PWWP3A: variants seen among roughly 807,000 people sequenced by gnomAD.
PWWP3A encodes PWWP domain-containing DNA repair factor 3A.
In PWWP3A, 53 loss-of-function variants were observed where a neutral mutation model predicts 79.0. The observed-to-expected ratio is 0.67, with a 90% CI of 0.54 to 0.84. The LOEUF (loss-of-function observed/expected upper bound fraction) is 0.84. Ranked by LOEUF, PWWP3A falls within the 40% of genes least tolerant of loss-of-function variation. The pLI is 0.00. For missense variants in PWWP3A, 973 were observed against 948.0 expected (o/e 1.03, Z -0.35); for synonymous variants, 443 against 394.4 (o/e 1.12, Z -1.46).
rs139601913 is a variant in PWWP3A at position 1,360,278 on chromosome 19, G to C, written c.357G>C (p.Leu119=). ...SAGTGRADRS[L]RGKPMEHVSS... ...GGACAGGTAGAGCTGACCGGTCTCT[G>C]CGAGGGAAGCCCATGGAGCATGTCT... Residue 119 remains leucine, a synonymous_variant, in exon 5 of 14, where the codon CTG becomes CTC. Coordinates refer to ENST00000591337, the MANE Select transcript of PWWP3A (RefSeq NM_001369789.1). This position sits in a 1 kb window ranked among gnomAD's most constrained non-coding sequence, Gnocchi z 4.4. The C allele has an allele frequency of 1.6e-4, 257 of 1,614,058 alleles. No homozygotes were observed. Among genetic ancestry groups the C allele is most frequent in the Middle Eastern group, 3.3e-4 (2 of 6,062 alleles).
chr19:1,366,437 C>T lies in PWWP3A; in HGVS notation c.1361+56C>T, dbSNP rs2082130924. 25 of 1,523,434 alleles carry T rather than the reference C, an allele frequency of 1.6e-5. No individual in the cohort carries two copies. The South Asian group carries it at 2.6e-4, about 16-fold the overall frequency. 94.4% of individuals were successfully genotyped at this position (1,523,434 alleles called of 1,614,324 possible). On this transcript the variant is annotated intron_variant, in intron 8 of 13. Coordinates refer to ENST00000591337, the MANE Select transcript of PWWP3A (RefSeq NM_001369789.1). The stretch of plus-strand genomic sequence containing the variant: ...GGCCTGAGGGGCCAGGCCGGCCGCT[C>T]TCAGAGTCAGAGCGGGCGTGGGGAT...
Position 1,373,082 on chromosome 19 carries a change from G to A in PWWP3A, c.1997G>A (p.Cys666Tyr), listed in dbSNP as rs768909887. ...LDVLLPEAII[C>Y]AISAVDEVDY... ...CGTGCCCTCTCACAGGCCATCATCT[G>A]TGCGATCTCTGCGGTGGACGAGGTG... Residue 666 changes from cysteine (C) to tyrosine (Y), a missense_variant, in exon 13 of 14, where the codon TGT (cysteine) becomes TAT (tyrosine). Physicochemically the swap from Cys to Tyr is radical, Grantham distance 194. Coordinates refer to ENST00000591337, the MANE Select transcript of PWWP3A (RefSeq NM_001369789.1). 6.2e-7 allele frequency: 1 copy of A among 1,614,212 alleles called. No homozygotes were observed. Among genetic ancestry groups the A allele is most frequent in the South Asian group, 1.1e-5 (1 of 91,070 alleles).
chr19:1,366,196 A>G (rs2890119), intron 7 of PWWP3A, 109 bp from the exon 8 acceptor site: 1 of 188,254 alleles, frequency 5.3e-6, no homozygotes, highest in African/African-American at 8.3e-5. Context: ...GGTCACCCCC[A>G]GAGCTGGGGT....
intron 12 of PWWP3A, chr19:1,372,401 A>G (rs1354869545): frequency 2.0e-5 from 3 of 152,222 alleles, no homozygotes; most frequent in Non-Finnish European, 4.4e-5. Context: ...AAAGTAAAAA[A>G]TAGGGATGAT....
intron 7 of PWWP3A, 45 bp from the exon 8 acceptor site, chr19:1,366,260 G>T: frequency 1.9e-6 from 3 of 1,582,364 alleles, no homozygotes; most frequent in Non-Finnish European, 1.7e-6. Flanking sequence ...TAAAATCCAC[G>T]ATCTCTTTTG....
chr19:1,365,037 G>C (rs1357155309), intron 7 of PWWP3A, among the ~76,000 whole-genome samples: 1 of 152,172 alleles, frequency 6.6e-6, no homozygotes, highest in Non-Finnish European at 1.5e-5. Context: ...GGAGAATGGC[G>C]TGAACCCGAG....
At chr19:1,362,965 C>T (rs1033177992) in intron 6 of PWWP3A, among the ~76,000 whole-genome samples, 7 of 152,258 alleles carry the variant, frequency 4.6e-5, no homozygotes, top group Non-Finnish European at 8.8e-5. Flanking sequence ...TTGAGACTCG[C>T]CCGTGAACCA....
At chr19:1,374,032 T>C (rs529701883) in intron 13 of PWWP3A, 2 of 152,142 alleles carry the variant, frequency 1.3e-5, no homozygotes, top group Admixed American at 1.3e-4. Flanking sequence ...TCTTCATGGT[T>C]CCCCCGTCAT....
At position 1,376,693 on chromosome 19, in the gene PWWP3A, C is replaced by A; in HGVS notation, c.*117C>A. Reference sequence around the variant, plus strand: ...ACGTTTGCGTTTGGACCTGTCTGTGCGTTCTCCTGCGTGGCAGTCCTGATT... The same window carrying A: ...ACGTTTGCGTTTGGACCTGTCTGTGAGTTCTCCTGCGTGGCAGTCCTGATT... On this transcript the variant is annotated 3_prime_UTR_variant, in exon 14 of 14. Coordinates refer to ENST00000591337, the MANE Select transcript of PWWP3A (RefSeq NM_001369789.1). 2 of 828,812 alleles carry A rather than the reference C, an allele frequency of 2.4e-6. No homozygotes were observed. The highest frequency in any genetic ancestry group is 2.5e-5 in the Admixed American group (1 of 40,212). The allele number at this position is 828,812 out of a possible 1,614,324, so 51.3% of individuals were successfully genotyped here. A position where few individuals can be genotyped will look rare whatever the true frequency, so the allele number is the denominator to read the frequency against.
At position 1,376,303 on chromosome 19, in the gene PWWP3A, TTTTG is replaced by T. The variant is rs1158079194; in HGVS notation, c.2076-208_2076-205del. Reference sequence around the variant, plus strand: ...ACCACGCCCGGCTGTTTGTTTTTTTTTTTGTTTGTTTTTTTTTTTTTTTGGTATT... The same window carrying T: ...ACCACGCCCGGCTGTTTGTTTTTTTTTTTGTTTTTTTTTTTTTTTGGTATT... On this transcript the variant is annotated intron_variant, in intron 13 of 13. Transcript: ENST00000591337. Among the ~76,000 whole-genome samples the T allele has an allele frequency of 8.0e-4, 78 of 96,902 alleles. 1 individual carries two copies. Among genetic ancestry groups the T allele is most frequent in the African/African-American group, 4.0e-3 (75 of 18,664 alleles). The allele number at this position is 96,902 out of a possible 152,430, so 63.6% of individuals were successfully genotyped here.
chr19:1,371,118 C>A, intron 12 of PWWP3A, 40 bp downstream of exon 12: 1 of 1,546,012 alleles, frequency 6.5e-7, no homozygotes, highest in Non-Finnish European at 8.7e-7. Context: ...CAGGGAGGGG[C>A]CTGCGCTGGG....
chr19:1,371,079 G>T lies in PWWP3A; in HGVS notation c.1986+1G>T. ...CATTCTGGACGTGCTTCTGCCCGAG[G>T]TGAGCCGCGGACCGGCGTGTCACGT... On this transcript the variant is annotated splice_donor_variant, in intron 12 of 13. Coordinates refer to ENST00000591337, the MANE Select transcript of PWWP3A (RefSeq NM_001369789.1). LOFTEE classifies it high-confidence loss of function. The T allele has an allele frequency of 6.4e-7, 1 of 1,558,114 alleles. No individual in the cohort carries two copies. Among genetic ancestry groups the T allele is most frequent in the Non-Finnish European group, 8.7e-7 (1 of 1,150,556 alleles).
intron 6 of PWWP3A, among the ~76,000 whole-genome samples, chr19:1,363,424 G>A (rs187451701): frequency 2.6e-5 from 4 of 152,324 alleles, no homozygotes; most frequent in South Asian, 2.1e-4. Flanking sequence ...TCCCAGGACC[G>A]CAGGTGCTGT....
intron 4 of PWWP3A, 43 bp downstream of exon 4, chr19:1,358,507 A>G (rs2144696402): frequency 6.2e-7 from 1 of 1,610,022 alleles, no homozygotes; most frequent in Non-Finnish European, 8.5e-7. Context: ...TTCATAAAAT[A>G]AGAGGTCATT....
In PWWP3A at chr19:1,359,107, G is replaced by A. The variant is rs1020365909; in HGVS notation, c.214+643G>A. On this transcript the variant is annotated intron_variant, in intron 4 of 13. Transcript: ENST00000591337. ...AGAAAAGCTTTGCCTGAGTCCAGCC[G>A]GGGACTGGTCATGCACATACATGAC... The A allele has an allele frequency of 2.8e-5, 6 of 215,410 alleles. No homozygotes were observed. In the East Asian group the frequency reaches 2.9e-4, roughly 10 times the overall value. 13.3% of individuals were successfully genotyped at this position (215,410 alleles called of 1,614,324 possible). A position where few individuals can be genotyped will look rare whatever the true frequency, so the allele number is the denominator to read the frequency against.
rs1049115743 is a variant in PWWP3A, at chr19:1,358,773, G to A, written c.214+309G>A. 5.2e-6 allele frequency: 5 copies of A among 952,496 alleles called. No individual in the cohort carries two copies. In the African/African-American group the frequency reaches 6.5e-5, roughly 12 times the overall value. The allele number at this position is 952,496 out of a possible 1,614,324, so 59.0% of individuals were successfully genotyped here. ...ACGAGGAAGGACTTTGCTGCCATAAGGGGGGAGGTCCTCCTTTTTCCTTTC... is the reference window on the plus strand; with the variant it reads ...ACGAGGAAGGACTTTGCTGCCATAAAGGGGGAGGTCCTCCTTTTTCCTTTC... On this transcript the variant is annotated intron_variant, in intron 4 of 13. Transcript: ENST00000591337.
intron 12 of PWWP3A, 49 bp from the exon 13 acceptor site, chr19:1,373,023 G>T (rs2082294774): frequency 6.4e-7 from 1 of 1,573,258 alleles, no homozygotes; most frequent in African/African-American, 1.3e-5. Context: ...GGCCACTTGG[G>T]GCCAGTTGGG....
chr19:1,373,269 A>C, intron 13 of PWWP3A, 109 bp downstream of exon 13: 2 of 928,532 alleles, frequency 2.2e-6, no homozygotes, highest in Non-Finnish European at 3.4e-6. Flanking sequence ...CCTCTCCCTC[A>C]TGAGGTGGCC....
chr19:1,358,634 T>C, intron 4 of PWWP3A, 170 bp downstream of exon 4: 4 of 1,540,170 alleles, frequency 2.6e-6, no homozygotes, highest in Non-Finnish European at 3.5e-6. Context: ...ATGGATCCGC[T>C]TTCTTAAACC....
Sources: gnomAD v4.1 joint callset for allele counts (sites outside exome capture counted in the v4.1 genomes callset) on GRCh38, gnomAD v4.1.1 for gene constraint, Gnocchi (gnomAD v3.1) non-coding constraint, MANE v1.5 for transcripts, NCBI Gene and HGNC (gene_info 2026-07-23, HGNC 2026-07-21) for gene names.